Variants in MRPS27 observed in about 807,000 individuals in gnomAD.
MRPS27 encodes the protein small ribosomal subunit protein mS27.
Under a neutral mutation model 48.9 loss-of-function variants are expected in MRPS27, and 43 were observed. That is an observed-to-expected ratio of 0.88 (90% CI 0.69 to 1.13). MRPS27 has a LOEUF of 1.13. MRPS27 is among the 50% of genes most tolerant of loss of function. The pLI is 0.00. For missense variants in MRPS27, 467 were observed against 476.3 expected, an observed-to-expected ratio of 0.98 and a Z score of 0.18; for synonymous variants, 188 against 171.9, an observed-to-expected ratio of 1.09 and a Z score of -0.73.
At chr5:72,274,226 C>G (rs1226441484) in intron 4 of MRPS27, among the ~76,000 whole-genome samples, 1 of 152,128 alleles carries the variant, frequency 6.6e-6, no homozygotes, top group African/African-American at 2.4e-5. Context: ...TGGTGGCTCA[C>G]GCCTATAATC....
intron 4 of MRPS27, among the ~76,000 whole-genome samples, chr5:72,286,092 T>C (rs901485191): frequency 6.6e-6 from 1 of 152,244 alleles, no homozygotes. Context: ...ATAATCTTCT[T>C]TGTTAGTTCC....
intron 4 of MRPS27, among the ~76,000 whole-genome samples, chr5:72,245,274 G>A (rs572080666): frequency 6.6e-6 from 1 of 152,310 alleles, no homozygotes; most frequent in South Asian, 2.1e-4. Flanking sequence ...AGGAACAGCA[G>A]GATGTTGAGA....
At chr5:72,276,674 A>C (rs1344897764) in intron 4 of MRPS27, among the ~76,000 whole-genome samples, 1 of 152,144 alleles carries the variant, frequency 6.6e-6, no homozygotes, top group Non-Finnish European at 1.5e-5. Flanking sequence ...CATCTGACAA[A>C]GGTCTAATAT....
intron 4 of MRPS27, among the ~76,000 whole-genome samples, chr5:72,249,714 G>A (rs1288555497): frequency 6.7e-6 from 1 of 149,214 alleles, no homozygotes; most frequent in Non-Finnish European, 1.5e-5. Flanking sequence ...GGGCGCAGTG[G>A]TTCACGCCTG....
At chr5:72,283,072 T>C (rs1216649380) in intron 4 of MRPS27, among the ~76,000 whole-genome samples, 2 of 152,146 alleles carry the variant, frequency 1.3e-5, no homozygotes, top group African/African-American at 4.8e-5. Flanking sequence ...GTTTTAGCTA[T>C]GGGAAGTGCC....
intron 2 of MRPS27, among the ~76,000 whole-genome samples, chr5:72,309,978 G>C (rs1281932543): frequency 6.6e-6 from 1 of 152,186 alleles, no homozygotes; most frequent in Non-Finnish European, 1.5e-5. Context: ...CTGCAATGCT[G>C]AGACTGTCCC....
chr5:72,239,540 T>C (rs1426417095), intron 4 of MRPS27, among the ~76,000 whole-genome samples: 1 of 152,126 alleles, frequency 6.6e-6, no homozygotes, highest in African/African-American at 2.4e-5. Context: ...TCAAATTAGG[T>C]TTAGAATAAG....
chr5:72,244,403 C>G (rs1748450066), intron 4 of MRPS27, among the ~76,000 whole-genome samples: 1 of 152,192 alleles, frequency 6.6e-6, no homozygotes, highest in Non-Finnish European at 1.5e-5. Flanking sequence ...TGGAAACACA[C>G]TGGTATAAAT....
intron 4 of MRPS27, among the ~76,000 whole-genome samples, chr5:72,287,841 A>C (rs1214876040): frequency 6.6e-6 from 1 of 152,240 alleles, no homozygotes; most frequent in Non-Finnish European, 1.5e-5. Context: ...TTCAGAAAAC[A>C]ATTTGGTAGT....
intron 7 of MRPS27, chr5:72,228,731 G>C (rs1317305270): frequency 6.0e-6 from 1 of 166,544 alleles, no homozygotes; most frequent in Non-Finnish European, 1.3e-5. Context: ...ACCGACACTC[G>C]AGACAATCAA....
At chr5:72,238,202 C>T in intron 4 of MRPS27, 74 bp from the exon 5 acceptor site, 1 of 967,360 alleles carries the variant, frequency 1.0e-6, no homozygotes, top group Non-Finnish European at 1.7e-6. Flanking sequence ...TCGATAGGTC[C>T]TTCTCTTAGA....
At chr5:72,247,087 C>T (rs192654476) in intron 4 of MRPS27, among the ~76,000 whole-genome samples, 5 of 152,222 alleles carry the variant, frequency 3.3e-5, no homozygotes, top group Admixed American at 2.0e-4. Flanking sequence ...TGAAGAGGTA[C>T]GGTTATCTGG....
intron 4 of MRPS27, chr5:72,241,729 C>T (rs917449308): frequency 1.3e-6 from 2 of 1,527,524 alleles, no homozygotes; most frequent in Middle Eastern, 1.7e-4. Flanking sequence ...ACAACTAACA[C>T]ATTGATTTTC....
chr5:72,259,143 A>G (rs1748894001), intron 4 of MRPS27, among the ~76,000 whole-genome samples: 1 of 152,022 alleles, frequency 6.6e-6, no homozygotes, highest in Non-Finnish European at 1.5e-5. Flanking sequence ...GATCTCCTAA[A>G]TATCTGTTAG....
At chr5:72,247,195 A>T (rs1748531680) in intron 4 of MRPS27, among the ~76,000 whole-genome samples, 2 of 152,226 alleles carry the variant, frequency 1.3e-5, no homozygotes, top group Admixed American at 1.3e-4. Flanking sequence ...ACAATCAAGC[A>T]AAGTGATTTC....
chr5:72,316,016 C>T (rs1177589607), intron 1 of MRPS27, among the ~76,000 whole-genome samples: 2 of 152,156 alleles, frequency 1.3e-5, no homozygotes, highest in South Asian at 2.1e-4. Context: ...GTGGTCTATC[C>T]TTACAATGGA....
chr5:72,235,181 G>A (rs987405642), intron 5 of MRPS27, among the ~76,000 whole-genome samples: 5 of 152,114 alleles, frequency 3.3e-5, no homozygotes, highest in African/African-American at 1.2e-4. Context: ...CTCATGGCCA[G>A]TGTCTATATT....
rs1474071339 is a variant in MRPS27, at chr5:72,268,109, T to G, written c.281+27422A>C. Among the ~76,000 whole-genome samples the G allele has an allele frequency of 2.0e-5, 3 of 152,248 alleles. No homozygotes were observed. The East Asian group carries it at 5.8e-4, about 29-fold the overall frequency. On this transcript the variant is annotated intron_variant, in intron 4 of 10. Coordinates refer to ENST00000261413, the MANE Select transcript of MRPS27 (RefSeq NM_015084.3). Reference sequence around the variant, plus strand: ...CCCCTCCTTGGTTTCAAACCTAAATTCTGTCCAGAGTTGAAAGCTAACTTT... The same window carrying G: ...CCCCTCCTTGGTTTCAAACCTAAATGCTGTCCAGAGTTGAAAGCTAACTTT...
chr5:72,294,102 T>A (rs753946841), intron 4 of MRPS27, among the ~76,000 whole-genome samples: 12 of 151,788 alleles, frequency 7.9e-5, no homozygotes, highest in Non-Finnish European at 1.2e-4. Flanking sequence ...TTAAAATAAA[T>A]GTTTTTTAAA....
Sources: allele counts gnomAD v4.1 joint callset (sites outside exome capture counted in the v4.1 genomes callset), GRCh38; gene constraint gnomAD v4.1.1; transcripts MANE v1.5; gene names NCBI Gene and HGNC (gene_info 2026-07-23, HGNC 2026-07-21).